Variants in KLHDC4 observed in about 807,000 individuals in gnomAD.
The protein encoded by KLHDC4 is kelch domain containing 4, also known as kelch domain-containing protein 4.
KLHDC4 carries 90 observed loss-of-function variants against 62.4 expected under a neutral mutation model. The observed-to-expected ratio is 1.44, with a 90% CI of 1.22 to 1.72. The LOEUF is 1.72. Among genes scored for constraint, KLHDC4 ranks in the 40% most tolerant of loss-of-function variants. The probability of loss-of-function intolerance (pLI) is 0.00; values close to 1 mark genes in which losing one functional copy is unlikely to be tolerated. For missense variants in KLHDC4, 1,025 were observed against 699.7 expected, an observed-to-expected ratio of 1.47 and a Z score of -5.25; for synonymous variants, 386 against 284.4, an observed-to-expected ratio of 1.36 and a Z score of -3.59.
At chr16:87,738,576 C>CCATCCACACACCAGCATCT (rs2041751085) in intron 5 of KLHDC4, among the ~76,000 whole-genome samples, 1 of 148,886 alleles carries the variant, frequency 6.7e-6, no homozygotes, top group Admixed American at 6.7e-5. Context: ...AGCACCTCAT[C>CCATCCACACACCAGCATCT]CATCCACACA....
intron 1 of KLHDC4, 89 bp from the exon 2 acceptor site, chr16:87,762,129 A>G (rs2045981604): frequency 6.4e-7 from 1 of 1,570,020 alleles, no homozygotes; most frequent in Non-Finnish European, 8.6e-7. Flanking sequence ...AATCAGTGTG[A>G]TTCGACTGGG....
intron 5 of KLHDC4, among the ~76,000 whole-genome samples, chr16:87,734,097 A>C (rs1350810245): frequency 2.6e-5 from 4 of 152,244 alleles, no homozygotes; most frequent in Admixed American, 2.0e-4. Context: ...TGTCATCCCC[A>C]GCACTTTGAG....
chr16:87,762,070 C>G, intron 1 of KLHDC4, 30 bp from the exon 2 acceptor site: 2 of 1,608,856 alleles, frequency 1.2e-6, no homozygotes, highest in Non-Finnish European at 1.7e-6. Context: ...ACACGTGAGA[C>G]TTATTCCCAG....
At chr16:87,714,408 G>T in intron 8 of KLHDC4, 90 bp downstream of exon 8, 2 of 1,160,218 alleles carry the variant, frequency 1.7e-6, no homozygotes, top group Non-Finnish European at 1.1e-6. Flanking sequence ...GGGGCTCACC[G>T]CCAGCCCCAC....
At chr16:87,750,099 A>C (rs2043690463) in intron 4 of KLHDC4, 1 of 152,174 alleles carries the variant, frequency 6.6e-6, no homozygotes, top group Admixed American at 6.5e-5. Flanking sequence ...ACTCCCTCTC[A>C]GGGCCCCCAA....
intron 5 of KLHDC4, among the ~76,000 whole-genome samples, chr16:87,731,851 T>A (rs544306563): frequency 6.6e-6 from 1 of 152,196 alleles, no homozygotes; most frequent in Non-Finnish European, 1.5e-5. Context: ...GGGGGAGGAC[T>A]TCTCAGAAAC....
intron 4 of KLHDC4, among the ~76,000 whole-genome samples, chr16:87,753,055 G>T (rs1368205210): frequency 6.6e-6 from 1 of 152,366 alleles, no homozygotes; most frequent in South Asian, 2.1e-4. Context: ...GGGACAAGGG[G>T]CACAGGCAGG....
chr16:87,761,522 C>T (rs909796694), intron 2 of KLHDC4, among the ~76,000 whole-genome samples: 3 of 152,194 alleles, frequency 2.0e-5, no homozygotes, highest in African/African-American at 7.2e-5. Context: ...TTTAAAATGG[C>T]TTATACTCAA....
intron 8 of KLHDC4, among the ~76,000 whole-genome samples, chr16:87,712,473 C>T (rs991056508): frequency 5.9e-5 from 9 of 152,244 alleles, no homozygotes; most frequent in African/African-American, 2.2e-4. Flanking sequence ...GAAACCCACA[C>T]ACACAAGGTG....
intron 4 of KLHDC4, among the ~76,000 whole-genome samples, chr16:87,754,873 G>C (rs1002715596): frequency 6.6e-6 from 1 of 152,130 alleles, no homozygotes; most frequent in Non-Finnish European, 1.5e-5. Flanking sequence ...CAGTTCTCCT[G>C]TCTTCACCAT....
intron 7 of KLHDC4, among the ~76,000 whole-genome samples, chr16:87,724,880 T>G (rs561546679): frequency 3.3e-5 from 5 of 152,204 alleles, no homozygotes; most frequent in Admixed American, 1.3e-4. Context: ...AAAAGATTAT[T>G]ATGGACGTGC....
At chr16:87,729,964 T>A (rs972289933) in intron 6 of KLHDC4, among the ~76,000 whole-genome samples, 4 of 152,344 alleles carry the variant, frequency 2.6e-5, no homozygotes, top group African/African-American at 9.6e-5. Flanking sequence ...TTTATTTATT[T>A]ATTTTTTCAA....
At chr16:87,753,011 T>G (rs1171002483) in intron 4 of KLHDC4, among the ~76,000 whole-genome samples, 1 of 152,076 alleles carries the variant, frequency 6.6e-6, no homozygotes, top group Non-Finnish European at 1.5e-5. Flanking sequence ...GACCCATGAC[T>G]CCAGCCCCTG....
At chr16:87,742,061 T>C (rs954261481) in intron 5 of KLHDC4, among the ~76,000 whole-genome samples, 6 of 152,074 alleles carry the variant, frequency 3.9e-5, no homozygotes, top group Non-Finnish European at 8.8e-5. Flanking sequence ...TTGTTGTGGC[T>C]GAATCTCCTG....
At chr16:87,711,867 G>A (rs1260130173) in intron 8 of KLHDC4, among the ~76,000 whole-genome samples, 2 of 150,494 alleles carry the variant, frequency 1.3e-5, no homozygotes, top group African/African-American at 4.9e-5. Flanking sequence ...GGCCTGCACG[G>A]GGACCCTCCA....
At chr16:87,701,565 C>T (rs1376673245) in exon 1 of KLHDC4, 1 of 405,586 alleles carries the variant, frequency 2.5e-6, no homozygotes, top group African/African-American at 2.0e-5. Context: ...CCATGTGTAG[C>T]CGGGTGCTGG....
intron 5 of KLHDC4, among the ~76,000 whole-genome samples, chr16:87,737,106 C>CAAAAAAAAAAAAAAAAA (rs55787836): frequency 6.2e-5 from 4 of 64,822 alleles, no homozygotes; most frequent in Non-Finnish European, 5.6e-5. Flanking sequence ...GCCTGGGCGA[C>CAAAAAAAAAAAAAAAAA]AAAAAAAAAA....
chr16:87,763,938 A>G (rs1597443193), intron 1 of KLHDC4, among the ~76,000 whole-genome samples: 1 of 152,200 alleles, frequency 6.6e-6, no homozygotes, highest in South Asian at 2.1e-4. Flanking sequence ...ACAACTTGCC[A>G]TGTTTGAGAC....
At chr16:87,765,487 G>A (rs1268645886) in intron 1 of KLHDC4, 3 of 498,826 alleles carry the variant, frequency 6.0e-6, no homozygotes, top group Admixed American at 2.8e-5. Context: ...TCAGAGGGAG[G>A]GTGGAGGGAG....
Sources: gnomAD v4.1 joint callset for allele counts (sites outside exome capture counted in the v4.1 genomes callset) on GRCh38, gnomAD v4.1.1 for gene constraint, MANE v1.5 for transcripts, NCBI Gene and HGNC (gene_info 2026-07-23, HGNC 2026-07-21) for gene names.